Variants in ATP2A2 observed in about 807,000 individuals in gnomAD.
The protein encoded by ATP2A2 is ATPase sarcoplasmic/endoplasmic reticulum Ca2+ transporting 2.
In ATP2A2, 14 loss-of-function variants were observed where a neutral mutation model predicts 109.3. The ratio of observed to expected loss-of-function variants is 0.13; its 90% CI spans 0.08 to 0.20. ATP2A2 has a LOEUF of 0.20. Ranked by LOEUF, ATP2A2 falls within the 10% of genes least tolerant of loss-of-function variation. The pLI is 1.00. For missense variants in ATP2A2, 657 were observed against 1,321.6 expected, an observed-to-expected ratio of 0.50 and a Z score of 7.80; for synonymous variants, 506 against 490.9, an observed-to-expected ratio of 1.03 and a Z score of -0.41.
At chr12:110,304,389 T>C (rs1274028790) in intron 5 of ATP2A2, among the ~76,000 whole-genome samples, 1 of 152,238 alleles carries the variant, frequency 6.6e-6, no homozygotes, top group South Asian at 2.1e-4. Context: ...GGTGGTGATA[T>C]TGTTCTACAT....
Position 110,350,485 on chromosome 12 carries a change from T to C in ATP2A2, c.*4015T>C. The C allele has an allele frequency of 2.1e-6, 2 of 939,998 alleles. No homozygotes were observed. The highest frequency in any genetic ancestry group is 3.1e-5 in the South Asian group (2 of 63,584). 58.2% of individuals were successfully genotyped at this position (939,998 alleles called of 1,614,324 possible). ...GTGTATTACCAATGGGGTTGTTAGC[T>C]TTTAAATCAAAATACTGATTACAGA... On this transcript the variant is annotated 3_prime_UTR_variant, in exon 20 of 20. Transcript: ENST00000539276.
chr12:110,282,066 C>G, intron 1 of ATP2A2, 159 bp downstream of exon 1: 1 of 528,894 alleles, frequency 1.9e-6, no homozygotes, highest in South Asian at 2.5e-5. Context: ...GAGAAAGGGG[C>G]TGCGGTCCTC....
At chr12:110,294,760 A>G (rs1463887626) in intron 4 of ATP2A2, among the ~76,000 whole-genome samples, 1 of 152,208 alleles carries the variant, frequency 6.6e-6, no homozygotes, top group East Asian at 1.9e-4. Context: ...GGAAAATTAT[A>G]ATGACAGTAT....
At position 110,349,651 on chromosome 12, in the gene ATP2A2, A is replaced by AAGATT. The variant is rs1435413895; in HGVS notation, c.*3184_*3188dup. 1.0e-6 allele frequency: 1 copy of AAGATT among 987,520 alleles called. No individual in the cohort carries two copies. Among genetic ancestry groups the AAGATT allele is most frequent in the Non-Finnish European group, 1.2e-6 (1 of 831,244 alleles). The allele number at this position is 987,520 out of a possible 1,614,324, so 61.2% of individuals were successfully genotyped here. A position where few individuals can be genotyped will look rare whatever the true frequency, so the allele number is the denominator to read the frequency against. On this transcript the variant is annotated 3_prime_UTR_variant, in exon 20 of 20. Coordinates refer to ENST00000539276, the MANE Select transcript of ATP2A2 (RefSeq NM_170665.4). ...GGGCAGACCTAAGACCTGAGACCACAAGATTAGCTCAGTGTCTACCAAGCA... is the reference window on the plus strand; with the variant it reads ...GGGCAGACCTAAGACCTGAGACCACAAGATTAGATTAGCTCAGTGTCTACCAAGCA...
intron 10 of ATP2A2, among the ~76,000 whole-genome samples, 173 bp downstream of exon 10, chr12:110,333,456 C>CT (rs1250750781): frequency 3.3e-5 from 5 of 152,174 alleles, no homozygotes; most frequent in African/African-American, 1.2e-4. Flanking sequence ...CCAAAGAAAG[C>CT]TGAGAGCCTT....
Position 110,347,402 on chromosome 12 carries a change from C to CAGAACTTTAGT in ATP2A2, c.*933_*943dup, listed in dbSNP as rs1292136617. ...CCAACTTTCTCTCCAGTTCTTAGCT[C>CAGAACTTTAGT]AGAACTTTAGTTGTACTCTGCTTGA... On this transcript the variant is annotated 3_prime_UTR_variant, in exon 20 of 20. Transcript: ENST00000539276. The CAGAACTTTAGT allele has an allele frequency of 7.8e-7, 1 of 1,289,084 alleles. No homozygotes were observed. Among genetic ancestry groups the CAGAACTTTAGT allele is most frequent in the Non-Finnish European group, 1.0e-6 (1 of 988,674 alleles). 79.9% of individuals were successfully genotyped at this position (1,289,084 alleles called of 1,614,324 possible). A position where few individuals can be genotyped will look rare whatever the true frequency, so the allele number is the denominator to read the frequency against.
intron 10 of ATP2A2, 95 bp from the exon 11 acceptor site, chr12:110,333,917 G>T: frequency 6.4e-7 from 1 of 1,552,814 alleles, no homozygotes; most frequent in Non-Finnish European, 8.8e-7. Context: ...TGTAATAGAG[G>T]ACAGATTGTG....
At chr12:110,328,052 G>C (rs1566229773) in intron 8 of ATP2A2, 35 bp downstream of exon 8, 1 of 1,591,402 alleles carries the variant, frequency 6.3e-7, no homozygotes, top group Non-Finnish European at 8.6e-7. Context: ...CCGTGTCGTG[G>C]TTCTTTGTTC....
chr12:110,347,754 T>C lies in ATP2A2; in HGVS notation c.*1284T>C, dbSNP rs1880019130. 2.8e-6 allele frequency: 3 copies of C among 1,075,322 alleles called. No homozygotes were observed. Among genetic ancestry groups the C allele is most frequent in the Non-Finnish European group, 3.4e-6 (3 of 882,162 alleles). 66.6% of individuals were successfully genotyped at this position (1,075,322 alleles called of 1,614,324 possible). A position where few individuals can be genotyped will look rare whatever the true frequency, so the allele number is the denominator to read the frequency against. The stretch of plus-strand genomic sequence containing the variant: ...AAGTCATTAACAGTCCTAACTGTGG[T>C]GTTTTCCTCCAATGCCTTCCAACAT... On this transcript the variant is annotated 3_prime_UTR_variant, in exon 20 of 20. Coordinates refer to ENST00000539276, the MANE Select transcript of ATP2A2 (RefSeq NM_170665.4).
intron 5 of ATP2A2, among the ~76,000 whole-genome samples, chr12:110,303,497 G>A (rs1210018987): frequency 6.6e-5 from 10 of 152,020 alleles, no homozygotes; most frequent in East Asian, 1.9e-4. Flanking sequence ...TGCAACCTCC[G>A]ACTCCCTGGT....
At chr12:110,317,157 C>CA (rs761194529) in intron 5 of ATP2A2, among the ~76,000 whole-genome samples, 17 of 152,122 alleles carry the variant, frequency 1.1e-4, no homozygotes, top group Non-Finnish European at 1.8e-4. Flanking sequence ...AAATTGGAAA[C>CA]ACGGTGAAAA....
intron 7 of ATP2A2, among the ~76,000 whole-genome samples, chr12:110,326,955 G>C (rs7978416): frequency 1.3e-5 from 2 of 152,206 alleles, no homozygotes; most frequent in African/African-American, 4.8e-5. Flanking sequence ...TCTTTGAATA[G>C]TGAGGAAATG....
intron 5 of ATP2A2, among the ~76,000 whole-genome samples, chr12:110,300,332 C>G (rs978796411): frequency 6.8e-6 from 1 of 147,698 alleles, no homozygotes; most frequent in African/African-American, 2.5e-5. Context: ...GTAATACAGG[C>G]ACATGACACC....
At position 110,346,779 on chromosome 12, in the gene ATP2A2, A is replaced by ATACATT. The variant is rs1879908726; in HGVS notation, c.*309_*310insTACATT. 1 of 1,171,692 alleles carries ATACATT rather than the reference A, an allele frequency of 8.5e-7. No homozygotes were observed. The highest frequency in any genetic ancestry group is 4.5e-5 in the Admixed American group (1 of 22,344). 72.6% of individuals were successfully genotyped at this position (1,171,692 alleles called of 1,614,324 possible). ...CATCCTTGTATAAAAAAAATAGTTG[A>ATACATT]GCCAGCAGACATTGTCAGCAAATTA... On this transcript the variant is annotated 3_prime_UTR_variant, in exon 20 of 20. Transcript: ENST00000539276.
At chr12:110,298,437 T>C (rs995745053) in intron 5 of ATP2A2, among the ~76,000 whole-genome samples, 1 of 152,172 alleles carries the variant, frequency 6.6e-6, no homozygotes. Context: ...CTTCCTGTTT[T>C]GGCCAGGCGT....
Position 110,349,267 on chromosome 12 carries a change from C to G in ATP2A2, c.*2797C>G. The G allele has an allele frequency of 1.0e-6, 1 of 985,584 alleles. No individual in the cohort carries two copies. Among genetic ancestry groups the G allele is most frequent in the African/African-American group, 1.7e-5 (1 of 57,374 alleles). The allele number at this position is 985,584 out of a possible 1,614,324, so 61.1% of individuals were successfully genotyped here. On this transcript the variant is annotated 3_prime_UTR_variant, in exon 20 of 20. Coordinates refer to ENST00000539276, the MANE Select transcript of ATP2A2 (RefSeq NM_170665.4). Reference sequence around the variant, plus strand: ...TCTTGGCACATCCCTGGCCTCAGGCCCTCACCTAACAGTGAGGCAGCAGCT... The same window carrying G: ...TCTTGGCACATCCCTGGCCTCAGGCGCTCACCTAACAGTGAGGCAGCAGCT...
chr12:110,320,703 C>T (rs1877150762), intron 5 of ATP2A2, among the ~76,000 whole-genome samples: 1 of 152,182 alleles, frequency 6.6e-6, no homozygotes, highest in Non-Finnish European at 1.5e-5. Flanking sequence ...GTTCATTGCA[C>T]AAGCATTTCC....
chr12:110,293,872 T>TATA, intron 4 of ATP2A2, among the ~76,000 whole-genome samples: 1 of 80,728 alleles, frequency 1.2e-5, no homozygotes, highest in African/African-American at 5.7e-5. Flanking sequence ...GTGTATATAT[T>TATA]TTTTTTTTTT....
chr12:110,306,334 C>T (rs143795780), intron 5 of ATP2A2, among the ~76,000 whole-genome samples: 132 of 152,302 alleles, frequency 8.7e-4, no homozygotes, highest in African/African-American at 2.5e-3. Context: ...CCACCGCGCC[C>T]GGCCTAGTGA....
Sources: gnomAD v4.1 joint callset for allele counts (sites outside exome capture counted in the v4.1 genomes callset) on GRCh38, gnomAD v4.1.1 for gene constraint, MANE v1.5 for transcripts, NCBI Gene and HGNC (gene_info 2026-07-23, HGNC 2026-07-21) for gene names.